CLTCL1: variants seen among roughly 807,000 people sequenced by gnomAD.
CLTCL1 encodes the protein clathrin heavy chain 2.
CLTCL1 carries 159 observed loss-of-function variants against 190.0 expected under a neutral mutation model. That is an observed-to-expected ratio of 0.84 (90% CI 0.74 to 0.95). The LOEUF is 0.95. Ranked by LOEUF, CLTCL1 falls within the 40% of genes least tolerant of loss-of-function variation. The pLI, the probability that CLTCL1 is intolerant of heterozygous loss-of-function variation, is 0.00. For missense variants in CLTCL1, 1,878 were observed against 2,033.4 expected (o/e 0.92, Z 1.47); for synonymous variants, 752 against 769.6 (o/e 0.98, Z 0.38).
At chr22:19,180,900 C>T (rs1248924375) in intron 30 of CLTCL1, 94 bp from the exon 31 acceptor site, 1 of 1,061,414 alleles carries the variant, frequency 9.4e-7, no homozygotes, top group Non-Finnish European at 1.5e-6. Context: ...CACAGGGCCT[C>T]CAGGAGAATG....
rs1345062561 is a variant in CLTCL1, at chr22:19,226,287, G to C, written c.1879C>G (p.Leu627Val). Residue 627 changes from leucine to valine, a missense_variant, in exon 12 of 33, where the codon CTG becomes GTG. Transcript: ENST00000427926. Reference protein sequence around the residue: ...CEKAGLLQQALEHYTDLYDIK... With the variant: ...CEKAGLLQQAVEHYTDLYDIK... ...TCATAGAGGTCGGTGTAGTGCTCCA[G>C]TGCTTGCTGCAGGAGGCCTGCCTTC... 6.2e-7 allele frequency: 1 copy of C among 1,613,942 alleles called. No homozygotes were observed. Among genetic ancestry groups the C allele is most frequent in the Non-Finnish European group, 8.5e-7 (1 of 1,179,904 alleles).
intron 22 of CLTCL1, among the ~76,000 whole-genome samples, chr22:19,201,947 G>A (rs2084900783): frequency 6.6e-6 from 1 of 151,958 alleles, no homozygotes; most frequent in Non-Finnish European, 1.5e-5. Context: ...CTATGAGCTG[G>A]GGACCTTGTT....
intron 2 of CLTCL1, among the ~76,000 whole-genome samples, chr22:19,260,649 C>G (rs1285932873): frequency 1.3e-5 from 2 of 151,808 alleles, no homozygotes; most frequent in African/African-American, 4.8e-5. Context: ...CATGGTGGTG[C>G]ATGCCTGTAA....
At chr22:19,189,491 GTAGATTC>G (rs544968146) in intron 27 of CLTCL1, among the ~76,000 whole-genome samples, 196 of 152,340 alleles carry the variant, frequency 1.3e-3, no homozygotes, top group African/African-American at 4.1e-3. Context: ...TGCCCCAGCA[GTAGATTC>G]TATCTTAAGA....
chr22:19,191,455 G>A lies in CLTCL1; in HGVS notation c.4192-20C>T. ...GGCAACCTGTGGTGAGCAAAGCTGA[G>A]GGTCAGTCCCTGCCGCTGTCTCCAG... On this transcript the variant is annotated intron_variant, in intron 26 of 32. Coordinates refer to ENST00000427926, the MANE Select transcript of CLTCL1 (RefSeq NM_007098.4). 6 of 1,611,354 alleles carry A rather than the reference G, an allele frequency of 3.7e-6. No homozygotes were observed. Among genetic ancestry groups the A allele is most frequent in the Non-Finnish European group, 5.1e-6 (6 of 1,179,688 alleles).
intron 2 of CLTCL1, among the ~76,000 whole-genome samples, chr22:19,254,707 T>C (rs1313321237): frequency 6.6e-6 from 1 of 152,230 alleles, no homozygotes; most frequent in African/African-American, 2.4e-5. Context: ...TTCTACAATG[T>C]TGGATATATT....
At position 19,236,355 on chromosome 22, in the gene CLTCL1, G is replaced by C. The variant is rs565993708; in HGVS notation, c.796-486C>G. On this transcript the variant is annotated intron_variant, in intron 5 of 32. Transcript: ENST00000427926. ...CTTTAAGCAAGCTGTGAGTTCATAA[G>C]AGAAGGGGAAAGTTCTGGACAAAGA... Among the ~76,000 whole-genome samples, 17 of 152,282 alleles carry C rather than the reference G, an allele frequency of 1.1e-4. No homozygotes were observed. The South Asian group carries it at 2.1e-3, about 19-fold the overall frequency.
At chr22:19,286,153 G>A (rs887804632) in intron 1 of CLTCL1, among the ~76,000 whole-genome samples, 1 of 152,102 alleles carries the variant, frequency 6.6e-6, no homozygotes, top group Non-Finnish European at 1.5e-5. Context: ...GGTTTGTGTA[G>A]CTTAGGCATT....
In CLTCL1 at chr22:19,242,759, G is replaced by A; in HGVS notation, c.681+16C>T. On this transcript the variant is annotated intron_variant, in intron 4 of 32. Transcript: ENST00000427926. ...TGACACTTTTCTCAGGGAGAAGACAGTAGAGTGGATCTTACCTTGCCTCCT... is the reference window on the plus strand; with the variant it reads ...TGACACTTTTCTCAGGGAGAAGACAATAGAGTGGATCTTACCTTGCCTCCT... 1 of 1,613,814 alleles carries A rather than the reference G, an allele frequency of 6.2e-7. No homozygotes were observed. The highest frequency in any genetic ancestry group is 8.5e-7 in the Non-Finnish European group (1 of 1,179,800).
At chr22:19,188,184 T>C (rs1569146361) in intron 27 of CLTCL1, 93 bp from the exon 28 acceptor site, 4 of 1,129,548 alleles carry the variant, frequency 3.5e-6, no homozygotes, top group South Asian at 1.2e-5. Context: ...TGCCATCCAC[T>C]TGAATGGTCC....
chr22:19,180,353 T>C lies in CLTCL1; in HGVS notation c.4904-115A>G. ...CCTCAGGCCTGTGTTTGCCCCACAG[T>C]GTCCAAGCACCCCACAGCCTCTCCA... is the stretch of plus-strand genomic sequence containing the variant. On this transcript the variant is annotated intron_variant, in intron 31 of 32. Coordinates refer to ENST00000427926, the MANE Select transcript of CLTCL1 (RefSeq NM_007098.4). 4.3e-6 allele frequency: 5 copies of C among 1,157,342 alleles called. No individual in the cohort carries two copies. In the South Asian group the frequency reaches 5.1e-5, roughly 12 times the overall value. 71.7% of individuals were successfully genotyped at this position (1,157,342 alleles called of 1,614,324 possible). A position where few individuals can be genotyped will look rare whatever the true frequency, so the allele number is the denominator to read the frequency against.
chr22:19,256,470 C>T (rs1246117759), intron 2 of CLTCL1, among the ~76,000 whole-genome samples: 3 of 148,932 alleles, frequency 2.0e-5, no homozygotes, highest in South Asian at 4.3e-4. Context: ...GATTCTCCTG[C>T]CTCAGCCCCC....
chr22:19,213,563 C>T (rs1476857254), intron 19 of CLTCL1, among the ~76,000 whole-genome samples: 1 of 152,178 alleles, frequency 6.6e-6, no homozygotes, highest in African/African-American at 2.4e-5. Flanking sequence ...TCCTGTGGTA[C>T]ATTCGTACAA....
chr22:19,222,857 C>T (rs952699910), intron 14 of CLTCL1, 48 bp from the exon 15 acceptor site: 2 of 1,566,940 alleles, frequency 1.3e-6, no homozygotes, highest in Non-Finnish European at 1.7e-6. Context: ...AGAAACCAGA[C>T]AGCCAGACCT....
intron 24 of CLTCL1, among the ~76,000 whole-genome samples, chr22:19,197,405 G>C (rs1464425773): frequency 3.3e-5 from 5 of 152,046 alleles, no homozygotes; most frequent in Non-Finnish European, 7.4e-5. Flanking sequence ...CTCCTGTCTG[G>C]AACCTGCCCA....
intron 5 of CLTCL1, among the ~76,000 whole-genome samples, chr22:19,238,984 C>T (rs561518085): frequency 8.7e-4 from 132 of 152,238 alleles, no homozygotes; most frequent in African/African-American, 3.1e-3. Context: ...ATTCTCATAC[C>T]ACAGTGAACA....
At chr22:19,187,954 G>A in intron 28 of CLTCL1, 27 bp downstream of exon 28, 1 of 1,604,104 alleles carries the variant, frequency 6.2e-7, no homozygotes, top group Non-Finnish European at 8.5e-7. Context: ...AGCCCACCCA[G>A]GACAGGGCTC....
intron 26 of CLTCL1, among the ~76,000 whole-genome samples, chr22:19,192,478 G>T (rs1387393130): frequency 1.3e-5 from 2 of 152,218 alleles, no homozygotes; most frequent in Admixed American, 1.3e-4. Context: ...CAGTGGTGAT[G>T]AATGTGTCTG....
At chr22:19,184,411 G>A (rs2084242388) in intron 29 of CLTCL1, 1 of 452,992 alleles carries the variant, frequency 2.2e-6, no homozygotes, top group African/African-American at 2.0e-5. Flanking sequence ...AGTTCCGTTT[G>A]GGAGACCCCT....
Sources: gnomAD v4.1 joint callset for allele counts (sites outside exome capture counted in the v4.1 genomes callset) on GRCh38, gnomAD v4.1.1 for gene constraint, MANE v1.5 for transcripts, NCBI Gene and HGNC (gene_info 2026-07-23, HGNC 2026-07-21) for gene names.